KLF8: variants seen among roughly 807,000 people sequenced by gnomAD.
KLF8 encodes the protein KLF transcription factor 8.
A neutral mutation model predicts 18.2 loss-of-function variants in KLF8; 10 were observed. The ratio of observed to expected loss-of-function variants is 0.55; its 90% CI spans 0.34 to 0.93. The LOEUF is 0.93. Ranked by LOEUF, KLF8 falls within the 40% of genes least tolerant of loss-of-function variation. The pLI, the probability that KLF8 is intolerant of heterozygous loss-of-function variation, is 0.02. For synonymous variants in KLF8, 109 were observed against 97.3 expected (o/e 1.12, Z -0.71); for missense variants, 264 against 277.9 (o/e 0.95, Z 0.36).
At chrX:55,917,918 G>A in the KLF8 span, among the ~76,000 whole-genome samples, 1 of 111,818 alleles carries the variant, frequency 8.9e-6, no homozygotes, top group Admixed American at 9.5e-5. Flanking sequence ...AGCATTTGTC[G>A]TCTGGGATCT....
At chrX:56,051,543 G>A in the KLF8 span, among the ~76,000 whole-genome samples, 1 of 110,602 alleles carries the variant, frequency 9.0e-6, no homozygotes, top group South Asian at 3.9e-4. Context: ...AGTTTGGCTG[G>A]ATATGAAATT....
chrX:56,182,556 G>A, the KLF8 span, among the ~76,000 whole-genome samples: 1 of 112,386 alleles, frequency 8.9e-6, no homozygotes, highest in Non-Finnish European at 1.9e-5. Context: ...CTGATTTTTG[G>A]AGTTTGCAGC....
the KLF8 span, among the ~76,000 whole-genome samples, chrX:56,136,833 G>A: frequency 1.8e-5 from 2 of 110,006 alleles, no homozygotes; most frequent in Admixed American, 1.9e-4. Context: ...CAAAATGGGA[G>A]AAAATTTTCG....
chrX:56,251,945 CAATTA>C (rs2066720716), intron 2 of KLF8, among the ~76,000 whole-genome samples: 1 of 111,329 alleles, frequency 9.0e-6, no homozygotes, highest in African/African-American at 3.3e-5. Flanking sequence ...TTTAAGTGTA[CAATTA>C]AGTTATTATT....
At chrX:56,043,500 G>T in the KLF8 span, among the ~76,000 whole-genome samples, 1 of 111,202 alleles carries the variant, frequency 9.0e-6, no homozygotes, top group East Asian at 2.8e-4. Context: ...TTTCTCAGAG[G>T]TTTTCTTCAT....
At chrX:56,126,748 CTTTCTT>C in the KLF8 span, among the ~76,000 whole-genome samples, 4 of 87,237 alleles carry the variant, frequency 4.6e-5, no homozygotes, top group Non-Finnish European at 4.6e-5. Context: ...TTCTTTCTTT[CTTTCTT>C]TTTTTTTTTT....
the KLF8 span, among the ~76,000 whole-genome samples, chrX:56,142,208 C>G: frequency 4.5e-5 from 5 of 111,923 alleles, no homozygotes; most frequent in Non-Finnish European, 7.5e-5. Context: ...TACCATTTCA[C>G]TGAAATGGGC....
intron 1 of KLF8, among the ~76,000 whole-genome samples, chrX:56,241,227 G>T (rs1384163847): frequency 9.0e-6 from 1 of 111,600 alleles, no homozygotes; most frequent in Non-Finnish European, 1.9e-5. Flanking sequence ...GAGTGCAATG[G>T]CATGATCTCA....
At chrX:56,110,749 GTTGT>G in the KLF8 span, among the ~76,000 whole-genome samples, 1 of 111,216 alleles carries the variant, frequency 9.0e-6, no homozygotes, top group Non-Finnish European at 1.9e-5. Context: ...ACTTCTTTAT[GTTGT>G]TTTTGTCACA....
At chrX:56,000,057 G>A in the KLF8 span, among the ~76,000 whole-genome samples, 1 of 111,729 alleles carries the variant, frequency 9.0e-6, no homozygotes, top group East Asian at 2.8e-4. Flanking sequence ...ATTAGGGGAT[G>A]CTGGATTTTA....
chrX:55,999,096 G>C, the KLF8 span, among the ~76,000 whole-genome samples: 1 of 108,899 alleles, frequency 9.2e-6, no homozygotes, highest in Non-Finnish European at 1.9e-5. Flanking sequence ...ATTGACTAGG[G>C]TGTCCTTTCC....
the KLF8 span, among the ~76,000 whole-genome samples, chrX:56,072,370 T>C: frequency 3.6e-5 from 4 of 111,935 alleles, no homozygotes; most frequent in Admixed American, 9.5e-5. Context: ...AATGTACTTA[T>C]TTTCCATTTG....
At chrX:55,921,016 A>G in the KLF8 span, among the ~76,000 whole-genome samples, 1 of 112,359 alleles carries the variant, frequency 8.9e-6, no homozygotes, top group East Asian at 2.8e-4. Flanking sequence ...TTGCAACAAA[A>G]GCAAAAATTG....
At chrX:56,177,877 C>T in the KLF8 span, among the ~76,000 whole-genome samples, 3 of 112,030 alleles carry the variant, frequency 2.7e-5, no homozygotes, top group African/African-American at 3.2e-5. Context: ...AGCAAGGATC[C>T]GTGGGTGTAG....
chrX:56,052,988 C>T, the KLF8 span, among the ~76,000 whole-genome samples: 35 of 111,897 alleles, frequency 3.1e-4, no homozygotes, highest in East Asian at 8.8e-3. Context: ...TTTTTAAGCC[C>T]GTCAGAAAAG....
At chrX:56,065,292 G>T in the KLF8 span, among the ~76,000 whole-genome samples, 5 of 110,396 alleles carry the variant, frequency 4.5e-5, no homozygotes, top group South Asian at 1.9e-3. Context: ...ATTTTTTCCT[G>T]TTTTTTTCTG....
chrX:55,997,215 T>C, the KLF8 span, among the ~76,000 whole-genome samples: 1 of 112,098 alleles, frequency 8.9e-6, no homozygotes, highest in African/African-American at 3.2e-5. Flanking sequence ...GAGATAGCCC[T>C]GTTATGTCCA....
the KLF8 span, among the ~76,000 whole-genome samples, chrX:56,135,379 T>C: frequency 9.0e-6 from 1 of 111,114 alleles, no homozygotes; most frequent in Non-Finnish European, 1.9e-5. Flanking sequence ...CCATAAAAAA[T>C]GATGAGTTCA....
At chrX:56,157,566 T>C in the KLF8 span, among the ~76,000 whole-genome samples, 2 of 111,217 alleles carry the variant, frequency 1.8e-5, no homozygotes, top group Non-Finnish European at 3.8e-5. Flanking sequence ...TTCCTGACTT[T>C]TTAACGATCG....
Sources: gnomAD v4.1 joint callset for allele counts (sites outside exome capture counted in the v4.1 genomes callset) on GRCh38, gnomAD v4.1.1 for gene constraint, MANE v1.5 for transcripts, NCBI Gene and HGNC (gene_info 2026-07-23, HGNC 2026-07-21) for gene names.